Variants in CPAP observed in about 807,000 individuals in gnomAD.
CPAP encodes the protein centrosome assembly and centriole elongation protein.
At chr13:24,891,541 C>T in the CPAP span, among the ~76,000 whole-genome samples, 1 of 152,074 alleles carries the variant, frequency 6.6e-6, no homozygotes, top group Non-Finnish European at 1.5e-5. Context: ...GAGGCCATTC[C>T]TGACTCCTTC....
chr13:24,883,143 C>CAGTT, the CPAP span: 7 of 1,563,874 alleles, frequency 4.5e-6, no homozygotes, highest in African/African-American at 1.4e-5. Context: ...CATAAAAAGT[C>CAGTT]AGTTACTGTT....
chr13:24,904,889 T>A, the CPAP span, among the ~76,000 whole-genome samples: 1 of 152,174 alleles, frequency 6.6e-6, no homozygotes, highest in Non-Finnish European at 1.5e-5. Context: ...ATACTACACA[T>A]CCGTTAAATG....
chr13:24,906,714 T>C, the CPAP span: 8 of 1,614,234 alleles, frequency 5.0e-6, no homozygotes, highest in African/African-American at 8.0e-5. Flanking sequence ...CTAGCTTTAC[T>C]GTCCTTTTTA....
the CPAP span, among the ~76,000 whole-genome samples, chr13:24,899,059 A>AT: frequency 1.3e-5 from 2 of 152,248 alleles, no homozygotes; most frequent in Admixed American, 6.5e-5. Flanking sequence ...GGTTATTTAC[A>AT]GCCATAAATT....
chr13:24,906,133 G>C, the CPAP span: 12 of 1,613,426 alleles, frequency 7.4e-6, no homozygotes, highest in Non-Finnish European at 1.0e-5. Flanking sequence ...CCTCACTGCG[G>C]TTACAATGAC....
the CPAP span, among the ~76,000 whole-genome samples, chr13:24,920,689 T>C: frequency 3.3e-5 from 5 of 150,946 alleles, no homozygotes; most frequent in Non-Finnish European, 5.9e-5. Flanking sequence ...GGTGTGATCT[T>C]GGCTCACTGC....
the CPAP span, chr13:24,906,273 A>G: frequency 3.7e-6 from 6 of 1,601,550 alleles, no homozygotes; most frequent in Non-Finnish European, 4.3e-6. Flanking sequence ...CTAGAAAATG[A>G]TATTTCATCA....
At chr13:24,909,786 T>C in the CPAP span, 1 of 1,609,562 alleles carries the variant, frequency 6.2e-7, no homozygotes, top group Non-Finnish European at 8.5e-7. Flanking sequence ...CATAAGTAGC[T>C]CACCTGTAGG....
At chr13:24,886,294 C>G in the CPAP span, 1 of 1,288,766 alleles carries the variant, frequency 7.8e-7, no homozygotes, top group South Asian at 1.2e-5. Flanking sequence ...TGTAACAGAG[C>G]TGGATGTTAC....
the CPAP span, among the ~76,000 whole-genome samples, chr13:24,901,095 G>A: frequency 2.6e-5 from 4 of 152,114 alleles, no homozygotes; most frequent in Non-Finnish European, 5.9e-5. Flanking sequence ...CCTTGAGACC[G>A]GACAAGTCTC....
the CPAP span, chr13:24,906,785 T>G: frequency 6.2e-7 from 1 of 1,614,222 alleles, no homozygotes; most frequent in Non-Finnish European, 8.5e-7. Flanking sequence ...CTGGAGTTGC[T>G]GTCTATCCAT....
the CPAP span, among the ~76,000 whole-genome samples, chr13:24,919,839 C>T: frequency 6.6e-5 from 10 of 152,238 alleles, no homozygotes; most frequent in Non-Finnish European, 8.8e-5. Context: ...TCACGGCTCA[C>T]GGCAGCTTCA....
the CPAP span, chr13:24,912,049 C>G: frequency 6.2e-7 from 1 of 1,613,748 alleles, no homozygotes; most frequent in Non-Finnish European, 8.5e-7. Context: ...GTTCCTGCTT[C>G]TTCTGTTGTA....
At chr13:24,916,970 G>T in the CPAP span, among the ~76,000 whole-genome samples, 1 of 152,178 alleles carries the variant, frequency 6.6e-6, no homozygotes, top group South Asian at 2.1e-4. Flanking sequence ...TACATTTACG[G>T]CCCGGTGCGG....
At chr13:24,889,604 T>C in the CPAP span, among the ~76,000 whole-genome samples, 1 of 152,134 alleles carries the variant, frequency 6.6e-6, no homozygotes, top group African/African-American at 2.4e-5. Context: ...CGCGCCCCTT[T>C]TGACAAACAT....
At chr13:24,907,047 C>T in the CPAP span, 3 of 1,597,608 alleles carry the variant, frequency 1.9e-6, no homozygotes, top group South Asian at 3.3e-5. Context: ...AGATAAATCT[C>T]TAAAGCCTTA....
At chr13:24,901,243 A>G in the CPAP span, among the ~76,000 whole-genome samples, 1 of 152,254 alleles carries the variant, frequency 6.6e-6, no homozygotes, top group Non-Finnish European at 1.5e-5. Flanking sequence ...ACATTTGAGA[A>G]AGTTAAATAT....
chr13:24,899,765 G>A, the CPAP span, among the ~76,000 whole-genome samples: 6 of 152,198 alleles, frequency 3.9e-5, no homozygotes, highest in East Asian at 9.7e-4. Flanking sequence ...GGGTGCCTAC[G>A]ATGAATCAGG....
At chr13:24,905,908 A>T in the CPAP span, 2 of 1,614,096 alleles carry the variant, frequency 1.2e-6, no homozygotes, top group Non-Finnish European at 1.7e-6. Flanking sequence ...TGGTAACATC[A>T]AGCTGTTCCT....
Sources: gnomAD v4.1 joint callset for allele counts (sites outside exome capture counted in the v4.1 genomes callset) on GRCh38, gnomAD v4.1.1 for gene constraint, MANE v1.5 for transcripts, NCBI Gene and HGNC (gene_info 2026-07-23, HGNC 2026-07-21) for gene names.